The following MTBP variants were observed in gnomAD, a reference collection of about 807,000 sequenced individuals.
The protein encoded by MTBP is mdm2-binding protein.
A neutral mutation model predicts 117.0 loss-of-function variants in MTBP; 101 were observed. That is an observed-to-expected ratio of 0.86 (90% CI 0.73 to 1.02). The LOEUF (loss-of-function observed/expected upper bound fraction) is 1.02, where lower values mean the gene tolerates loss of function less well. Among genes scored for constraint, MTBP ranks in the 50% least tolerant of loss-of-function variants. MTBP has a pLI of 0.00. For missense variants in MTBP, 970 were observed against 1,030.9 expected, an observed-to-expected ratio of 0.94 and a Z score of 0.81; for synonymous variants, 350 against 351.5, an observed-to-expected ratio of 1.00 and a Z score of 0.05.
At chr8:120,455,376 T>A (rs974972886) in intron 5 of MTBP, 59 bp from the exon 6 acceptor site, 4 of 1,076,770 alleles carry the variant, frequency 3.7e-6, no homozygotes, top group Non-Finnish European at 5.4e-6. Flanking sequence ...GGGTACTATT[T>A]TGAGACATTT....
Position 120,503,643 on chromosome 8 carries a change from T to C in MTBP, c.1727+1034T>C, listed in dbSNP as rs577266376. Among the ~76,000 whole-genome samples, 4 of 151,956 alleles carry C rather than the reference T, an allele frequency of 2.6e-5. No homozygotes were observed. The South Asian group carries it at 8.3e-4, about 32-fold the overall frequency. On this transcript the variant is annotated intron_variant, in intron 15 of 21. Coordinates refer to ENST00000305949, the MANE Select transcript of MTBP (RefSeq NM_022045.5). Reference sequence around the variant, plus strand: ...GGTGGGAGGATTTCATATGAAAGAGTGATGGGATATGATTTTGCAAAAATT... The same window carrying C: ...GGTGGGAGGATTTCATATGAAAGAGCGATGGGATATGATTTTGCAAAAATT...
At chr8:120,484,775 AG>A (rs1814174330) in intron 11 of MTBP, among the ~76,000 whole-genome samples, 1 of 152,216 alleles carries the variant, frequency 6.6e-6, no homozygotes, top group Admixed American at 6.5e-5. Flanking sequence ...CTCCCCGGAA[AG>A]AAACCCCATA....
intron 12 of MTBP, among the ~76,000 whole-genome samples, chr8:120,489,540 C>A (rs2130582314): frequency 6.6e-6 from 1 of 152,332 alleles, no homozygotes; most frequent in South Asian, 2.1e-4. Context: ...CTATGCCAGC[C>A]ACCAGTAACG....
At chr8:120,475,019 A>G (rs1437881526) in intron 11 of MTBP, among the ~76,000 whole-genome samples, 1 of 152,074 alleles carries the variant, frequency 6.6e-6, no homozygotes, top group Non-Finnish European at 1.5e-5. Context: ...CACTTACAAT[A>G]TATTAGGCAC....
chr8:120,482,663 A>G (rs1212451104), intron 11 of MTBP, among the ~76,000 whole-genome samples: 1 of 151,750 alleles, frequency 6.6e-6, no homozygotes, highest in Admixed American at 6.6e-5. Context: ...GTAGTGAGTT[A>G]TACACCTATT....
intron 10 of MTBP, among the ~76,000 whole-genome samples, chr8:120,466,879 A>T (rs1234993045): frequency 2.0e-5 from 3 of 152,206 alleles, no homozygotes; most frequent in Non-Finnish European, 4.4e-5. Context: ...GTCTCAAAAA[A>T]TAAATAAATA....
chr8:120,473,408 C>T (rs970894046), intron 11 of MTBP: 8 of 152,054 alleles, frequency 5.3e-5, no homozygotes, highest in Non-Finnish European at 1.0e-4. Flanking sequence ...ACCATTTATA[C>T]AGAGCGTGGT....
At chr8:120,477,729 C>T (rs912954712) in intron 11 of MTBP, among the ~76,000 whole-genome samples, 10 of 152,078 alleles carry the variant, frequency 6.6e-5, no homozygotes, top group Non-Finnish European at 1.2e-4. Flanking sequence ...GTTAGAATGG[C>T]GATCATTAAA....
intron 11 of MTBP, among the ~76,000 whole-genome samples, chr8:120,487,420 G>A (rs755069587): frequency 6.6e-6 from 1 of 152,152 alleles, no homozygotes; most frequent in African/African-American, 2.4e-5. Context: ...AGTTGTCGTT[G>A]TCTCTTCCAG....
intron 11 of MTBP, among the ~76,000 whole-genome samples, chr8:120,476,110 A>G (rs1303416019): frequency 1.3e-5 from 2 of 152,068 alleles, no homozygotes; most frequent in South Asian, 2.1e-4. Flanking sequence ...GAATGTATCT[A>G]AAGGCCATGC....
chr8:120,456,795 T>G, intron 7 of MTBP, 125 bp downstream of exon 7: 3 of 659,830 alleles, frequency 4.5e-6, no homozygotes. Context: ...AAGTAGAACT[T>G]TCTGCAATAA....
chr8:120,469,897 A>C (rs1440434428), intron 10 of MTBP, among the ~76,000 whole-genome samples: 1 of 152,238 alleles, frequency 6.6e-6, no homozygotes, highest in Non-Finnish European at 1.5e-5. Flanking sequence ...TGCATAAGTA[A>C]AAATAATAGC....
intron 13 of MTBP, among the ~76,000 whole-genome samples, chr8:120,495,690 C>CT (rs1814439009): frequency 6.6e-6 from 1 of 151,804 alleles, no homozygotes; most frequent in Admixed American, 6.6e-5. Context: ...TATTTTACAG[C>CT]TCTTCTATGG....
At chr8:120,469,099 G>A (rs1393505569) in intron 10 of MTBP, among the ~76,000 whole-genome samples, 7 of 152,218 alleles carry the variant, frequency 4.6e-5, no homozygotes, top group Non-Finnish European at 1.5e-5. Flanking sequence ...AGGCTGGAGT[G>A]CAGTGGCTCA....
intron 11 of MTBP, among the ~76,000 whole-genome samples, chr8:120,481,544 C>T (rs1814085449): frequency 6.6e-6 from 1 of 152,028 alleles, no homozygotes; most frequent in African/African-American, 2.4e-5. Context: ...TAAATAAAGT[C>T]AGACAAGGTT....
chr8:120,490,901 A>G (rs1454296788), intron 13 of MTBP, among the ~76,000 whole-genome samples: 6 of 152,124 alleles, frequency 3.9e-5, no homozygotes, highest in Admixed American at 1.3e-4. Flanking sequence ...ATATCTTTTT[A>G]TATATTTTTG....
intron 17 of MTBP, 27 bp downstream of exon 17, chr8:120,510,056 T>A (rs770329054): frequency 6.8e-7 from 1 of 1,470,548 alleles, no homozygotes; most frequent in Non-Finnish European, 9.4e-7. Flanking sequence ...ACTTTACTCT[T>A]CTGTATGTTG....
In MTBP at chr8:120,461,221, C is replaced by T; in HGVS notation, c.943C>T (p.Pro315Ser). 1 of 1,604,746 alleles carries T rather than the reference C, an allele frequency of 6.2e-7. No homozygotes were observed. Among genetic ancestry groups the T allele is most frequent in the South Asian group, 1.1e-5 (1 of 90,824 alleles). ...GCAGATGATAAAATTATCAGATCTACCCTCCTGCTATATGTCGGATATTGA... is the reference window on the plus strand; with the variant it reads ...GCAGATGATAAAATTATCAGATCTATCCTCCTGCTATATGTCGGATATTGA... ...FVQMIKLSDL[P>S]SCYMSDIEFE... Residue 315 changes from proline to serine, a missense_variant, in exon 9 of 22, where the codon CCC (proline) becomes TCC (serine). Physicochemically the swap from Pro to Ser is moderately conservative, Grantham distance 74. Transcript: ENST00000305949.
chr8:120,491,312 A>G (rs915080346), intron 13 of MTBP, among the ~76,000 whole-genome samples: 7 of 152,160 alleles, frequency 4.6e-5, no homozygotes, highest in African/African-American at 1.4e-4. Context: ...TTAAAAACGT[A>G]TTTAAAAATT....
Sources: gnomAD v4.1 joint callset for allele counts (sites outside exome capture counted in the v4.1 genomes callset) on GRCh38, gnomAD v4.1.1 for gene constraint, MANE v1.5 for transcripts, NCBI Gene and HGNC (gene_info 2026-07-23, HGNC 2026-07-21) for gene names.